The following AGMO variants were observed in gnomAD, a reference collection of about 807,000 sequenced individuals.
AGMO encodes the protein alkylglycerol monooxygenase.
A neutral mutation model predicts 60.2 loss-of-function variants in AGMO; 75 were observed. The observed-to-expected ratio is 1.25, with a 90% CI of 1.03 to 1.51. The LOEUF (loss-of-function observed/expected upper bound fraction) is 1.51. Ranked by LOEUF, AGMO falls within the 40% of genes most tolerant of loss-of-function variation. The pLI is 0.00. For missense variants in AGMO, 763 were observed against 525.5 expected (o/e 1.45, Z -4.42); for synonymous variants, 261 against 177.1 (o/e 1.47, Z -3.76).
the AGMO span, among the ~76,000 whole-genome samples, chr7:15,156,989 T>A: frequency 6.6e-6 from 1 of 152,232 alleles, no homozygotes; most frequent in Admixed American, 6.5e-5. Flanking sequence ...AGGCTGATTA[T>A]TTTTTCTGGC....
chr7:15,170,795 T>C, the AGMO span, among the ~76,000 whole-genome samples: 1 of 152,204 alleles, frequency 6.6e-6, no homozygotes, highest in East Asian at 1.9e-4. Flanking sequence ...AGATACATTC[T>C]ATGTAGCTGA....
At chr7:15,449,519 G>T (rs1781801737) in intron 3 of AGMO, among the ~76,000 whole-genome samples, 1 of 152,022 alleles carries the variant, frequency 6.6e-6, no homozygotes, top group Admixed American at 6.6e-5. Flanking sequence ...AATTACCATT[G>T]TCTTACAATT....
At chr7:15,382,515 C>T (rs183587028) in intron 10 of AGMO, among the ~76,000 whole-genome samples, 6 of 152,018 alleles carry the variant, frequency 3.9e-5, no homozygotes, top group Admixed American at 1.3e-4. Flanking sequence ...AATGTGTCTC[C>T]GTGTGTGTTT....
intron 3 of AGMO, among the ~76,000 whole-genome samples, chr7:15,517,836 TG>T (rs1427924915): frequency 3.3e-5 from 5 of 151,942 alleles, no homozygotes; most frequent in African/African-American, 7.3e-5. Context: ...CTCACTTCCC[TG>T]GAAAGGGAGC....
intron 3 of AGMO, among the ~76,000 whole-genome samples, chr7:15,447,682 C>T (rs1781736339): frequency 6.6e-6 from 1 of 152,084 alleles, no homozygotes; most frequent in African/African-American, 2.4e-5. Context: ...TCGCAGGTAG[C>T]TGGGACTACA....
the AGMO span, among the ~76,000 whole-genome samples, chr7:15,117,658 T>C: frequency 1.3e-5 from 2 of 151,950 alleles, no homozygotes; most frequent in Non-Finnish European, 2.9e-5. Flanking sequence ...GTACATGTAC[T>C]CCTTGAACGT....
intron 12 of AGMO, among the ~76,000 whole-genome samples, chr7:15,232,207 T>A (rs1050789349): frequency 6.6e-6 from 1 of 152,196 alleles, no homozygotes; most frequent in South Asian, 2.1e-4. Flanking sequence ...GCTCACTCTG[T>A]ACAACAGTAT....
chr7:15,428,648 T>C (rs924605183), intron 4 of AGMO, among the ~76,000 whole-genome samples: 5 of 152,258 alleles, frequency 3.3e-5, no homozygotes, highest in African/African-American at 1.2e-4. Flanking sequence ...TTCATATTTA[T>C]AGCTTTGAAA....
intron 12 of AGMO, among the ~76,000 whole-genome samples, chr7:15,211,003 T>C (rs1285660711): frequency 6.6e-6 from 1 of 151,932 alleles, no homozygotes; most frequent in African/African-American, 2.4e-5. Context: ...AAGAAAGATA[T>C]ACTGCATACA....
intron 3 of AGMO, among the ~76,000 whole-genome samples, chr7:15,489,703 T>C (rs1479095037): frequency 6.6e-6 from 1 of 152,178 alleles, no homozygotes; most frequent in East Asian, 1.9e-4. Flanking sequence ...AATGAGTGCG[T>C]TCATCAATTC....
At chr7:15,173,026 A>G in the AGMO span, among the ~76,000 whole-genome samples, 1 of 152,188 alleles carries the variant, frequency 6.6e-6, no homozygotes, top group South Asian at 2.1e-4. Context: ...ATATTTCTTT[A>G]TAGCTTCTTT....
At chr7:15,177,145 C>T in the AGMO span, among the ~76,000 whole-genome samples, 1 of 151,978 alleles carries the variant, frequency 6.6e-6, no homozygotes, top group African/African-American at 2.4e-5. Context: ...TCTGAGAATA[C>T]AACTGCTCCA....
intron 10 of AGMO, among the ~76,000 whole-genome samples, chr7:15,373,361 C>T (rs968723066): frequency 2.0e-5 from 3 of 151,930 alleles, no homozygotes; most frequent in African/African-American, 7.3e-5. Flanking sequence ...GCCCCAATTA[C>T]GCCTGCAGAA....
At chr7:15,372,117 G>T (rs1034913529) in intron 10 of AGMO, among the ~76,000 whole-genome samples, 1 of 151,584 alleles carries the variant, frequency 6.6e-6, no homozygotes, top group Admixed American at 6.6e-5. Context: ...AGTATCCTTT[G>T]ATAGACTACT....
chr7:15,373,737 T>C (rs1783331436), intron 10 of AGMO, among the ~76,000 whole-genome samples: 1 of 152,184 alleles, frequency 6.6e-6, no homozygotes, highest in Non-Finnish European at 1.5e-5. Context: ...TCAAAGATGA[T>C]TTGATAATAT....
At chr7:15,181,396 G>A in the AGMO span, among the ~76,000 whole-genome samples, 1 of 152,068 alleles carries the variant, frequency 6.6e-6, no homozygotes, top group Non-Finnish European at 1.5e-5. Flanking sequence ...CTGAGCTAGA[G>A]CCCCTTCTAC....
the AGMO span, among the ~76,000 whole-genome samples, chr7:15,144,109 T>C: frequency 6.6e-6 from 1 of 152,210 alleles, no homozygotes; most frequent in Non-Finnish European, 1.5e-5. Context: ...CTGAATATCA[T>C]ATTTACAAAT....
At chr7:15,478,131 G>A (rs1782644906) in intron 3 of AGMO, among the ~76,000 whole-genome samples, 1 of 152,116 alleles carries the variant, frequency 6.6e-6, no homozygotes. Context: ...CAATACTCAT[G>A]GATGACTTTA....
chr7:15,531,381 T>TG (rs1285367192), intron 3 of AGMO, among the ~76,000 whole-genome samples: 52 of 95,674 alleles, frequency 5.4e-4, no homozygotes, highest in African/African-American at 2.3e-3. Context: ...CTATATATAT[T>TG]CTATATATAT....
Sources: gnomAD v4.1 joint callset for allele counts (sites outside exome capture counted in the v4.1 genomes callset) on GRCh38, gnomAD v4.1.1 for gene constraint, MANE v1.5 for transcripts, NCBI Gene and HGNC (gene_info 2026-07-23, HGNC 2026-07-21) for gene names.